Variants in CAMK1D observed in about 807,000 individuals in gnomAD.
CAMK1D encodes calcium/calmodulin-dependent protein kinase type 1D.
Under a neutral mutation model 47.7 loss-of-function variants are expected in CAMK1D, and 9 were observed. That is an observed-to-expected ratio of 0.19 (90% CI 0.11 to 0.33). CAMK1D has a LOEUF of 0.33. Among genes scored for constraint, CAMK1D ranks in the 10% least tolerant of loss-of-function variants. CAMK1D has a pLI of 1.00. For missense variants in CAMK1D, 291 were observed against 488.7 expected, an observed-to-expected ratio of 0.60 and a Z score of 3.81; for synonymous variants, 184 against 184.9, an observed-to-expected ratio of 0.99 and a Z score of 0.04.
At chr10:12,695,537 G>A (rs899578411) in intron 3 of CAMK1D, among the ~76,000 whole-genome samples, 5 of 152,184 alleles carry the variant, frequency 3.3e-5, no homozygotes, top group Admixed American at 6.5e-5. Flanking sequence ...AAGGTCTCAC[G>A]TGGTTAAGCA....
chr10:12,403,401 C>T (rs1839300326), intron 1 of CAMK1D, among the ~76,000 whole-genome samples: 1 of 152,176 alleles, frequency 6.6e-6, no homozygotes, highest in South Asian at 2.1e-4. Flanking sequence ...ACCTGTCTTT[C>T]TTGGATAAAG....
At chr10:12,755,191 T>C (rs967809555) in intron 3 of CAMK1D, among the ~76,000 whole-genome samples, 3 of 152,292 alleles carry the variant, frequency 2.0e-5, no homozygotes, top group East Asian at 3.9e-4. Flanking sequence ...AGAGGTTGCA[T>C]GAAATGAAAA....
At chr10:12,749,956 G>A (rs1018209695) in intron 3 of CAMK1D, among the ~76,000 whole-genome samples, 5 of 152,104 alleles carry the variant, frequency 3.3e-5, no homozygotes, top group South Asian at 2.1e-4. Flanking sequence ...TTCTATTCTC[G>A]GGTTGCAGCC....
intron 2 of CAMK1D, among the ~76,000 whole-genome samples, chr10:12,579,796 T>G (rs1002453300): frequency 6.6e-6 from 1 of 152,194 alleles, no homozygotes; most frequent in Non-Finnish European, 1.5e-5. Flanking sequence ...GCACCACCCT[T>G]GTCATGGTTC....
At chr10:12,557,412 T>C (rs1384609305) in intron 2 of CAMK1D, among the ~76,000 whole-genome samples, 2 of 151,108 alleles carry the variant, frequency 1.3e-5, no homozygotes, top group African/African-American at 2.4e-5. Flanking sequence ...ATTGGCCGGG[T>C]ATGGTGGTGG....
At chr10:12,467,681 C>T (rs570583700) in intron 1 of CAMK1D, among the ~76,000 whole-genome samples, 1 of 152,276 alleles carries the variant, frequency 6.6e-6, no homozygotes, top group East Asian at 1.9e-4. Flanking sequence ...AGCAGAGATA[C>T]ACTTCATAAT....
chr10:12,723,848 G>A (rs1834500178), intron 3 of CAMK1D, among the ~76,000 whole-genome samples: 1 of 152,068 alleles, frequency 6.6e-6, no homozygotes, highest in Admixed American at 6.6e-5. Context: ...CCATGTTGGT[G>A]TGCTGCACCC....
At chr10:12,766,547 A>G (rs1235603787) in intron 4 of CAMK1D, among the ~76,000 whole-genome samples, 4 of 151,850 alleles carry the variant, frequency 2.6e-5, no homozygotes, top group South Asian at 4.2e-4. Flanking sequence ...CAGCTTGCTT[A>G]TTTATGTTTG....
intron 1 of CAMK1D, among the ~76,000 whole-genome samples, chr10:12,384,084 A>G (rs1838421768): frequency 6.6e-6 from 1 of 152,250 alleles, no homozygotes; most frequent in African/African-American, 2.4e-5. Flanking sequence ...AAAAGAAATT[A>G]AGAGAACAAT....
At chr10:12,400,614 G>A (rs7099817) in intron 1 of CAMK1D, among the ~76,000 whole-genome samples, 1,690 of 152,158 alleles carry the variant, frequency 0.011, 30 homozygotes, top group African/African-American at 0.038. Context: ...TATATAAAAT[G>A]TAATTGTCTT....
intron 1 of CAMK1D, among the ~76,000 whole-genome samples, chr10:12,450,277 CA>C (rs1431727548): frequency 3.3e-5 from 5 of 152,126 alleles, no homozygotes; most frequent in Non-Finnish European, 7.4e-5. Flanking sequence ...CCAGTTTCCC[CA>C]GTTACATTTG....
intron 1 of CAMK1D, among the ~76,000 whole-genome samples, chr10:12,359,256 C>G (rs1048403909): frequency 4.6e-5 from 7 of 152,158 alleles, no homozygotes; most frequent in Non-Finnish European, 8.8e-5. Flanking sequence ...GCACGGGAAC[C>G]ACTGAGAGCC....
intron 1 of CAMK1D, among the ~76,000 whole-genome samples, chr10:12,360,657 G>A (rs1466714997): frequency 6.6e-6 from 1 of 152,184 alleles, no homozygotes; most frequent in African/African-American, 2.4e-5. Flanking sequence ...GCAGGCAGAA[G>A]GAGGAAGAAG....
At chr10:12,823,854 G>A (rs1188993729) in intron 8 of CAMK1D, among the ~76,000 whole-genome samples, 1 of 151,922 alleles carries the variant, frequency 6.6e-6, no homozygotes, top group Non-Finnish European at 1.5e-5. Flanking sequence ...TGGGTGGGGG[G>A]CATGGGCTCA....
chr10:12,820,058 G>A (rs948195848), intron 8 of CAMK1D, among the ~76,000 whole-genome samples: 2 of 152,212 alleles, frequency 1.3e-5, no homozygotes, highest in Non-Finnish European at 2.9e-5. Flanking sequence ...TGCACCGGAG[G>A]TGGTGGGAGC....
chr10:12,559,491 G>A (rs1412183911), intron 2 of CAMK1D, among the ~76,000 whole-genome samples: 3 of 152,116 alleles, frequency 2.0e-5, no homozygotes, highest in Non-Finnish European at 2.9e-5. Flanking sequence ...TCACCTCCCA[G>A]GGTGGAGCTG....
intron 2 of CAMK1D, among the ~76,000 whole-genome samples, chr10:12,660,239 C>G (rs1243474470): frequency 6.6e-6 from 1 of 152,064 alleles, no homozygotes; most frequent in African/African-American, 2.4e-5. Context: ...TTTTTTTCTC[C>G]TCTCTTTTGT....
intron 2 of CAMK1D, among the ~76,000 whole-genome samples, chr10:12,657,405 T>C (rs77507919): frequency 0.082 from 11,268 of 136,878 alleles, 454 homozygotes; most frequent in South Asian, 0.19. Context: ...AGCCTAGTGA[T>C]GGAGAGAGAC....
chr10:12,431,302 C>T (rs1002096558), intron 1 of CAMK1D, among the ~76,000 whole-genome samples: 7 of 152,314 alleles, frequency 4.6e-5, no homozygotes, highest in African/African-American at 1.2e-4. Context: ...TTTTTTGCAG[C>T]TGCACTGTAA....
Sources: gnomAD v4.1 joint callset for allele counts (sites outside exome capture counted in the v4.1 genomes callset) on GRCh38, gnomAD v4.1.1 for gene constraint, MANE v1.5 for transcripts, NCBI Gene and HGNC (gene_info 2026-07-23, HGNC 2026-07-21) for gene names.